SPECC1: variants seen among roughly 807,000 people sequenced by gnomAD.
SPECC1 encodes cytospin-B.
SPECC1 carries 62 observed loss-of-function variants against 104.1 expected under a neutral mutation model. The observed-to-expected ratio is 0.60, with a 90% CI of 0.49 to 0.74. The LOEUF is 0.74. Ranked by LOEUF, SPECC1 falls within the 30% of genes least tolerant of loss-of-function variation. The pLI is 0.00. For synonymous variants in SPECC1, 513 were observed against 501.6 expected (o/e 1.02, Z -0.30); for missense variants, 1,306 against 1,310.5 (o/e 1.00, Z 0.05).
intron 3 of SPECC1, among the ~76,000 whole-genome samples, chr17:20,198,792 T>C (rs1418897315): frequency 2.0e-5 from 3 of 152,242 alleles, no homozygotes; most frequent in Non-Finnish European, 4.4e-5. Context: ...GAGACTTCTC[T>C]TGACTGGTTT....
At chr17:20,296,478 TG>T (rs1244517284) in intron 12 of SPECC1, among the ~76,000 whole-genome samples, 2 of 152,218 alleles carry the variant, frequency 1.3e-5, no homozygotes, top group African/African-American at 4.8e-5. Context: ...TTGTGCTTTT[TG>T]CTTAGGATTG....
intron 12 of SPECC1, among the ~76,000 whole-genome samples, chr17:20,283,296 C>T (rs563694382): frequency 1.8e-4 from 28 of 152,296 alleles, no homozygotes; most frequent in South Asian, 1.0e-3. Flanking sequence ...GGTAGCTTTC[C>T]GCTGCCAGAG....
chr17:20,186,521 A>T (rs1030975136), intron 3 of SPECC1, among the ~76,000 whole-genome samples: 1 of 152,226 alleles, frequency 6.6e-6, no homozygotes, highest in Non-Finnish European at 1.5e-5. Flanking sequence ...ATTGTGTCTC[A>T]TGTATACTAA....
intron 1 of SPECC1, among the ~76,000 whole-genome samples, chr17:20,033,308 T>C (rs143160806): frequency 6.6e-6 from 1 of 152,264 alleles, no homozygotes; most frequent in South Asian, 2.1e-4. Flanking sequence ...TTTCAGATAC[T>C]GTATTGTAGG....
intron 2 of SPECC1, among the ~76,000 whole-genome samples, 191 bp downstream of exon 2, chr17:20,096,989 G>T (rs773709620): frequency 9.9e-5 from 15 of 152,122 alleles, no homozygotes; most frequent in Non-Finnish European, 1.3e-4. Context: ...GGCCCTCTGG[G>T]GTCCAGAAAG....
chr17:20,107,144 C>CAAAAAAAAAAAAAAAAAAAAAAAAAA (rs531912350), intron 2 of SPECC1, among the ~76,000 whole-genome samples: 5 of 68,192 alleles, frequency 7.3e-5, no homozygotes, highest in Non-Finnish European at 9.5e-5. Flanking sequence ...ACTCGTGTCT[C>CAAAAAAAAAAAAAAAAAAAAAAAAAA]AAAAAAAAAA....
intron 4 of SPECC1, among the ~76,000 whole-genome samples, chr17:20,214,889 G>A (rs1340341321): frequency 6.6e-6 from 1 of 152,252 alleles, no homozygotes; most frequent in Non-Finnish European, 1.5e-5. Context: ...GGACGGGCAG[G>A]AGGAAGGCAT....
intron 3 of SPECC1, among the ~76,000 whole-genome samples, chr17:20,171,537 C>T (rs766775135): frequency 5.3e-5 from 8 of 151,952 alleles, no homozygotes; most frequent in Non-Finnish European, 1.2e-4. Context: ...CTGTTTTTTT[C>T]ATTACTTAGG....
intron 12 of SPECC1, 91 bp from the exon 13 acceptor site, chr17:20,296,870 T>C (rs2041368668): frequency 8.2e-7 from 1 of 1,213,332 alleles, no homozygotes; most frequent in Non-Finnish European, 1.2e-6. Context: ...ATTGATTTTG[T>C]GTAGATTCCC....
intron 1 of SPECC1, among the ~76,000 whole-genome samples, chr17:20,051,133 T>TTTCTTTCTTTCTTTCCTTCTTTCTTTCC (rs2045756650): frequency 1.7e-4 from 7 of 40,916 alleles, no homozygotes; most frequent in African/African-American, 5.4e-4. Context: ...TCTTTCTTTC[T>TTTCTTTCTTTCTTTCCTTCTTTCTTTCC]TTCTTTCCTT....
chr17:20,269,237 G>A (rs1293158945), intron 12 of SPECC1, among the ~76,000 whole-genome samples: 7 of 152,240 alleles, frequency 4.6e-5, no homozygotes, highest in Non-Finnish European at 8.8e-5. Flanking sequence ...CTTGGCTGGC[G>A]TCTGGGAACT....
At chr17:20,086,844 CAG>C (rs1244649666) in intron 1 of SPECC1, among the ~76,000 whole-genome samples, 8 of 152,206 alleles carry the variant, frequency 5.3e-5, no homozygotes, top group African/African-American at 1.9e-4. Flanking sequence ...GTAGAGCACA[CAG>C]AGGTTTTGCT....
chr17:20,198,228 C>T (rs776936227), intron 3 of SPECC1, among the ~76,000 whole-genome samples: 17 of 152,328 alleles, frequency 1.1e-4, no homozygotes, highest in East Asian at 5.8e-4. Flanking sequence ...AAATGGGCCC[C>T]GTCATCTTTA....
intron 7 of SPECC1, among the ~76,000 whole-genome samples, chr17:20,234,182 G>C (rs79274983): frequency 1.3e-5 from 2 of 152,016 alleles, no homozygotes; most frequent in Admixed American, 1.3e-4. Flanking sequence ...TTTAAGCACA[G>C]AATGTTTCTT....
chr17:20,021,090 C>G (rs1450145274), intron 1 of SPECC1, among the ~76,000 whole-genome samples: 1 of 151,998 alleles, frequency 6.6e-6, no homozygotes, highest in East Asian at 1.9e-4. Context: ...AGAAAATATA[C>G]TTTTCATTAG....
intron 12 of SPECC1, among the ~76,000 whole-genome samples, chr17:20,293,209 T>C (rs2041230293): frequency 6.6e-6 from 1 of 152,240 alleles, no homozygotes; most frequent in African/African-American, 2.4e-5. Flanking sequence ...ATAGGCTTTT[T>C]TTTTTTGCCT....
chr17:20,156,360 G>A, intron 3 of SPECC1: 3 of 1,097,550 alleles, frequency 2.7e-6, no homozygotes, highest in Non-Finnish European at 3.5e-6. Context: ...GTCCTGGGGT[G>A]TGATTCTTGT....
intron 3 of SPECC1, among the ~76,000 whole-genome samples, chr17:20,148,252 T>A (rs572095668): frequency 6.6e-6 from 1 of 152,280 alleles, no homozygotes; most frequent in South Asian, 2.1e-4. Context: ...GAAATTATTA[T>A]TTTTAGAGAT....
chr17:20,254,134 C>CGTGT (rs71357419), intron 10 of SPECC1, among the ~76,000 whole-genome samples: 9,409 of 135,880 alleles, frequency 0.069, 512 homozygotes, highest in African/African-American at 0.14. Context: ...GTTGTTACAC[C>CGTGT]GTGTGTGTGT....
Sources: allele counts gnomAD v4.1 joint callset (sites outside exome capture counted in the v4.1 genomes callset), GRCh38; gene constraint gnomAD v4.1.1; transcripts MANE v1.5; gene names NCBI Gene and HGNC (gene_info 2026-07-23, HGNC 2026-07-21).